DBH: variants seen among roughly 807,000 people sequenced by gnomAD.
DBH encodes the protein dopamine beta-hydroxylase, also known as dopamine beta-hydroxylase (dopamine beta-monooxygenase).
Under a neutral mutation model 64.0 loss-of-function variants are expected in DBH, and 49 were observed. The observed-to-expected ratio is 0.77, with a 90% CI of 0.61 to 0.97. The LOEUF is 0.97. Among genes scored for constraint, DBH ranks in the 50% least tolerant of loss-of-function variants. The pLI is 0.00. For synonymous variants in DBH, 343 were observed against 347.1 expected, an observed-to-expected ratio of 0.99 and a Z score of 0.13; for missense variants, 828 against 826.6, an observed-to-expected ratio of 1.00 and a Z score of -0.02.
At position 133,644,935 on chromosome 9, in the gene DBH, C is replaced by T. The variant is rs1032422135; in HGVS notation, c.1024+615C>T. Among the ~76,000 whole-genome samples the T allele has an allele frequency of 9.3e-5, 13 of 139,194 alleles. No individual in the cohort carries two copies. The East Asian group carries it at 1.2e-3, about 13-fold the overall frequency. The allele number at this position is 139,194 out of a possible 152,430, so 91.3% of individuals were successfully genotyped here. ...ATCTTTCACCATATATAGACACACACGCACACAATGCACACACACACGCAC... is the reference window on the plus strand; with the variant it reads ...ATCTTTCACCATATATAGACACACATGCACACAATGCACACACACACGCAC... On this transcript the variant is annotated intron_variant, in intron 5 of 11. Transcript: ENST00000393056.
chr9:133,637,540 A>G (rs1435970339), intron 1 of DBH, among the ~76,000 whole-genome samples: 1 of 152,188 alleles, frequency 6.6e-6, no homozygotes, highest in Non-Finnish European at 1.5e-5. Context: ...GAGTGACAAA[A>G]AAGTTTTATT....
intron 7 of DBH, 152 bp downstream of exon 7, chr9:133,651,929 G>T: frequency 1.2e-6 from 1 of 820,490 alleles, no homozygotes; most frequent in Non-Finnish European, 2.0e-6. Flanking sequence ...TGTGGCCTGT[G>T]CTCCCCACTT....
intron 6 of DBH, 57 bp downstream of exon 6, chr9:133,648,069 G>T (rs2131289023): frequency 1.3e-6 from 2 of 1,561,018 alleles, no homozygotes; most frequent in Non-Finnish European, 1.7e-6. Context: ...CCTCAGTGGA[G>T]GCCTGGCAGG....
intron 8 of DBH, 149 bp downstream of exon 8, chr9:133,652,433 C>G: frequency 1.1e-6 from 1 of 943,984 alleles, no homozygotes; most frequent in Non-Finnish European, 1.7e-6. Context: ...CTGTGGGTGG[C>G]TCTGGGCTGG....
rs201256789 is a variant in DBH at position 133,642,468 on chromosome 9, C to T, written c.744+4C>T. 86 of 1,603,820 alleles carry T rather than the reference C, an allele frequency of 5.4e-5. No individual in the cohort carries two copies. The highest frequency in any genetic ancestry group is 5.0e-4 in the Middle Eastern group (3 of 6,054). ...CTCTCGGCACCACATTATCAAGGTA[C>T]GTGCGGGTCCAGGGCCGAGGTCCTC... On this transcript the variant is annotated splice_donor_region_variant and intron_variant, in intron 3 of 11. Coordinates refer to ENST00000393056, the MANE Select transcript of DBH (RefSeq NM_000787.4).
chr9:133,657,013 A>G (rs889990263), intron 10 of DBH, 57 bp from the exon 11 acceptor site: 9 of 1,594,266 alleles, frequency 5.6e-6, no homozygotes, highest in Non-Finnish European at 7.7e-6. Flanking sequence ...GCTGGTGCCC[A>G]CTGGGCTCCC....
chr9:133,656,386 G>A (rs555152663), intron 9 of DBH, 137 bp from the exon 10 acceptor site: 313 of 1,211,402 alleles, frequency 2.6e-4, no homozygotes, highest in African/African-American at 1.9e-3. Flanking sequence ...GCAGGGACTC[G>A]GTTCCCCAGA....
chr9:133,651,193 A>G (rs1254556963), intron 6 of DBH, among the ~76,000 whole-genome samples: 2 of 152,236 alleles, frequency 1.3e-5, no homozygotes, highest in African/African-American at 4.8e-5. Flanking sequence ...CACGTAGGGG[A>G]CCTGCCAAGT....
chr9:133,639,999 G>T lies in DBH; in HGVS notation c.486+7G>T. 6.2e-7 allele frequency: 1 copy of T among 1,613,850 alleles called. No homozygotes were observed. Among genetic ancestry groups the T allele is most frequent in the Non-Finnish European group, 8.5e-7 (1 of 1,179,994 alleles). On this transcript the variant is annotated splice_region_variant and intron_variant, in intron 2 of 11. Transcript: ENST00000393056. The stretch of plus-strand genomic sequence containing the variant: ...CAAGGATTACCTCATTGAAGTAAGG[G>T]GTGGCCGCGAGTACCCAGGAGGGCG...
In DBH at chr9:133,648,022, G is replaced by A; in HGVS notation, c.1191+10G>A. 2 of 1,608,118 alleles carry A rather than the reference G, an allele frequency of 1.2e-6. No individual in the cohort carries two copies. Among genetic ancestry groups the A allele is most frequent in the Non-Finnish European group, 1.7e-6 (2 of 1,178,516 alleles). ...CAAGTGCACCCAGCTGGTGAGTGGG[G>A]CTGGGCCCGGCACTGCACCCTCCCT... On this transcript the variant is annotated intron_variant, in intron 6 of 11. Coordinates refer to ENST00000393056, the MANE Select transcript of DBH (RefSeq NM_000787.4).
rs146236948 is a variant in DBH, at chr9:133,650,466, TTTTC to T, written c.1192-1160_1192-1157del. On this transcript the variant is annotated intron_variant, in intron 6 of 11. Coordinates refer to ENST00000393056, the MANE Select transcript of DBH (RefSeq NM_000787.4). Reference sequence around the variant, plus strand: ...CCTTCTTTTCTTTCCTTTCTTTTCTTTTTCTTTCTTTTTCTTTTTCTTTCTTTTC... The same window carrying T: ...CCTTCTTTTCTTTCCTTTCTTTTCTTTTTCTTTTTCTTTTTCTTTCTTTTC... 6.4e-3 allele frequency among the ~76,000 whole-genome samples: 954 copies of T among 150,030 alleles called. 11 individuals carry two copies. The highest frequency in any genetic ancestry group is 0.019 in the African/African-American group (745 of 39,952).
At chr9:133,642,037 G>T (rs1832121520) in intron 2 of DBH, among the ~76,000 whole-genome samples, 170 bp from the exon 3 acceptor site, 2 of 152,234 alleles carry the variant, frequency 1.3e-5, no homozygotes, top group African/African-American at 4.8e-5. Flanking sequence ...GTCAGCCCGG[G>T]ATTTGGCCCC....
At chr9:133,657,347 G>GA (rs1832337613) in intron 11 of DBH, 118 bp downstream of exon 11, 2 of 1,244,762 alleles carry the variant, frequency 1.6e-6, no homozygotes, top group South Asian at 2.5e-5. Flanking sequence ...ACAAGACAAT[G>GA]AGAGCAAGTG....
At chr9:133,644,962 C>T (rs1366947314) in intron 5 of DBH, among the ~76,000 whole-genome samples, 2 of 98,318 alleles carry the variant, frequency 2.0e-5, no homozygotes, top group African/African-American at 8.9e-5. Context: ...CACACGCACA[C>T]ACACATGCAC....
At chr9:133,650,486 C>G (rs57352763) in intron 6 of DBH, among the ~76,000 whole-genome samples, 4 of 143,024 alleles carry the variant, frequency 2.8e-5, no homozygotes, top group Admixed American at 7.0e-5. Flanking sequence ...TTTTCTTTTT[C>G]TTTCTTTTCT....
At position 133,636,615 on chromosome 9, in the gene DBH, A is replaced by G; in HGVS notation, c.244A>G (p.Lys82Glu). 6.2e-7 allele frequency: 1 copy of G among 1,613,546 alleles called. No homozygotes were observed. Among genetic ancestry groups the G allele is most frequent in the Non-Finnish European group, 8.5e-7 (1 of 1,179,962 alleles). Residue 82 changes from lysine (K) to glutamate (E), a missense_variant, in exon 1 of 12, where the codon AAG (lysine) becomes GAG (glutamate). Lys to Glu is a moderately conservative substitution (Grantham distance 56). Coordinates refer to ENST00000393056, the MANE Select transcript of DBH (RefSeq NM_000787.4). ...TTTCCAGCTCCTGGTGCGGAGGCTCAAGGCTGGCGTCCTGTTTGGGATGTC... is the reference window on the plus strand; with the variant it reads ...TTTCCAGCTCCTGGTGCGGAGGCTCGAGGCTGGCGTCCTGTTTGGGATGTC... ...IHFQLLVRRLKAGVLFGMSDR... is the reference protein window; with the variant it reads ...IHFQLLVRRLEAGVLFGMSDR...
intron 11 of DBH, among the ~76,000 whole-genome samples, chr9:133,657,804 G>A (rs1032063031): frequency 6.6e-6 from 1 of 152,170 alleles, no homozygotes; most frequent in South Asian, 2.1e-4. Flanking sequence ...AGAGTTAGTC[G>A]CGTAAGGTGC....
chr9:133,652,083 C>T (rs1427300275), intron 7 of DBH, among the ~76,000 whole-genome samples, 163 bp from the exon 8 acceptor site: 2 of 152,176 alleles, frequency 1.3e-5, no homozygotes, highest in Non-Finnish European at 2.9e-5. Context: ...CCTCCCTGGC[C>T]AGAAGCCACA....
In DBH at chr9:133,636,377, C is replaced by G; in HGVS notation, c.6C>G (p.Pro2=). The G allele has an allele frequency of 1.2e-6, 2 of 1,608,712 alleles. No homozygotes were observed. The highest frequency in any genetic ancestry group is 1.1e-5 in the South Asian group (1 of 91,066). The change falls in exon 1 of 12, where the codon CCC becomes CCG. Residue 2 remains proline, a synonymous_variant. Transcript: ENST00000393056. M[P]ALSRWASLPG... is the part of the protein sequence containing the mutation. ...CCAGAGAGCTCACCCCAGCCATGCC[C>G]GCCCTCAGTCGCTGGGCCAGCCTGC...
Sources: allele counts gnomAD v4.1 joint callset (sites outside exome capture counted in the v4.1 genomes callset), GRCh38; gene constraint gnomAD v4.1.1; transcripts MANE v1.5; gene names NCBI Gene and HGNC (gene_info 2026-07-23, HGNC 2026-07-21).